PCDH15: variants seen among roughly 807,000 people sequenced by gnomAD.
PCDH15 encodes the protein protocadherin-15.
A neutral mutation model predicts 178.5 loss-of-function variants in PCDH15; 129 were observed. That is an observed-to-expected ratio of 0.72 (90% CI 0.63 to 0.84). The LOEUF (loss-of-function observed/expected upper bound fraction) is 0.84, where lower values mean the gene tolerates loss of function less well. Ranked by LOEUF, PCDH15 falls within the 40% of genes least tolerant of loss-of-function variation. PCDH15 has a pLI of 0.00. For missense variants in PCDH15, 2,230 were observed against 2,099.9 expected (o/e 1.06, Z -1.21); for synonymous variants, 800 against 732.0 (o/e 1.09, Z -1.50).
chr10:54,143,566 A>G (rs2043602509), intron 14 of PCDH15, among the ~76,000 whole-genome samples: 1 of 152,198 alleles, frequency 6.6e-6, no homozygotes, highest in Non-Finnish European at 1.5e-5. Flanking sequence ...TGATGTGTTC[A>G]TAAAGATTGT....
rs11004452 is a variant in PCDH15, at chr10:54,700,100, T to A, written c.-28-35810A>T. Among the ~76,000 whole-genome samples the A allele has an allele frequency of 3.0e-4, 46 of 152,186 alleles. No individual in the cohort carries two copies. In the East Asian group the frequency reaches 8.5e-3, roughly 28 times the overall value. On this transcript the variant is annotated intron_variant, in intron 1 of 37. Transcript: ENST00000644397. Reference sequence around the variant, plus strand: ...GTTACTGCAAGCAGGCCTGGAGTACTAAACTAATCTTTGGCCCCCTGAGAT... The same window carrying A: ...GTTACTGCAAGCAGGCCTGGAGTACAAAACTAATCTTTGGCCCCCTGAGAT...
chr10:54,820,152 C>T (rs772146471), intron 3 of PCDH15, among the ~76,000 whole-genome samples: 3 of 151,914 alleles, frequency 2.0e-5, no homozygotes, highest in Non-Finnish European at 2.9e-5. Context: ...GACAGGGAAA[C>T]TTACCACACC....
intron 10 of PCDH15, among the ~76,000 whole-genome samples, chr10:54,203,186 T>C (rs2050431090): frequency 6.6e-6 from 1 of 152,154 alleles, no homozygotes; most frequent in Non-Finnish European, 1.5e-5. Flanking sequence ...ATTATACAAT[T>C]ATCAACTGTG....
At chr10:55,061,845 C>G (rs962926070) in intron 2 of PCDH15, among the ~76,000 whole-genome samples, 3 of 152,164 alleles carry the variant, frequency 2.0e-5, no homozygotes, top group Admixed American at 2.0e-4. Flanking sequence ...CATGGTGAAA[C>G]CCCGACTCTA....
At chr10:54,621,832 CA>C (rs2093357153) in intron 2 of PCDH15, among the ~76,000 whole-genome samples, 1 of 151,732 alleles carries the variant, frequency 6.6e-6, no homozygotes, top group Non-Finnish European at 1.5e-5. Flanking sequence ...AAATATTCTT[CA>C]GGAAAGAAAA....
chr10:55,396,507 G>A (rs938956720), intron 2 of PCDH15, among the ~76,000 whole-genome samples: 2 of 152,150 alleles, frequency 1.3e-5, no homozygotes. Flanking sequence ...CATCCGATAG[G>A]CTGTCATCCT....
At chr10:55,614,295 T>C (rs1843432974) in intron 2 of PCDH15, among the ~76,000 whole-genome samples, 1 of 152,280 alleles carries the variant, frequency 6.6e-6, no homozygotes. Flanking sequence ...ATCTCTAAAA[T>C]AGAGGTAGAC....
chr10:54,916,915 G>A (rs975180779), intron 2 of PCDH15, among the ~76,000 whole-genome samples: 1 of 152,112 alleles, frequency 6.6e-6, no homozygotes, highest in Non-Finnish European at 1.5e-5. Flanking sequence ...TTGGTATGTA[G>A]TGCTTACTGT....
chr10:55,300,545 T>C (rs1049096430), intron 1 of PCDH15, among the ~76,000 whole-genome samples: 7 of 152,130 alleles, frequency 4.6e-5, no homozygotes, highest in African/African-American at 1.7e-4. Flanking sequence ...TAACAAAAAA[T>C]CAGCACATTA....
chr10:54,086,417 G>A (rs969003676), intron 16 of PCDH15, among the ~76,000 whole-genome samples: 7 of 152,244 alleles, frequency 4.6e-5, no homozygotes, highest in African/African-American at 1.4e-4. Flanking sequence ...ATGAGGGATC[G>A]AATTTCAAAA....
intron 18 of PCDH15, among the ~76,000 whole-genome samples, chr10:54,052,959 TGAA>T (rs921879956): frequency 3.3e-5 from 5 of 152,168 alleles, no homozygotes; most frequent in South Asian, 4.1e-4. Context: ...TGCCCCCATG[TGAA>T]GAAGGACACA....
At chr10:54,907,082 A>T (rs1183506174) in intron 2 of PCDH15, among the ~76,000 whole-genome samples, 1 of 152,194 alleles carries the variant, frequency 6.6e-6, no homozygotes, top group Non-Finnish European at 1.5e-5. Context: ...CAGAAGTCAC[A>T]GAGAAAAGGA....
chr10:54,413,675 A>T (rs949447399), intron 3 of PCDH15, among the ~76,000 whole-genome samples: 3 of 152,222 alleles, frequency 2.0e-5, no homozygotes, highest in Non-Finnish European at 4.4e-5. Flanking sequence ...AATAAATATT[A>T]AAAAATGTTT....
At chr10:55,502,874 A>G (rs1369898295) in intron 2 of PCDH15, among the ~76,000 whole-genome samples, 1 of 151,670 alleles carries the variant, frequency 6.6e-6, no homozygotes, top group Admixed American at 6.6e-5. Context: ...AATAGTTCCA[A>G]TATTAAGAAA....
In PCDH15 at chr10:54,946,546, T is replaced by A. The variant is rs57519617; in HGVS notation, c.-79-49046A>T. ...TGTCTAAATAATGTTGATTGCTGGG[T>A]CTTTTTAGAAACACAGCTGTGACCA... On this transcript the variant is annotated intron_variant, in intron 2 of 5. Coordinates refer to the PCDH15 transcript ENST00000458638. Among the ~76,000 whole-genome samples the A allele has an allele frequency of 1.1e-4, 16 of 151,944 alleles. No individual in the cohort carries two copies. In the East Asian group the frequency reaches 3.1e-3, roughly 29 times the overall value.
intron 8 of PCDH15, among the ~76,000 whole-genome samples, chr10:54,296,169 A>AAAAAAAAAAAAAT (rs2059769716): frequency 7.0e-6 from 1 of 142,586 alleles, no homozygotes; most frequent in Non-Finnish European, 1.5e-5. Flanking sequence ...AAAAAAAAAA[A>AAAAAAAAAAAAAT]GTGGTTGGCA....
chr10:54,601,338 AAAAC>A (rs1230580372), intron 2 of PCDH15, among the ~76,000 whole-genome samples: 1 of 152,054 alleles, frequency 6.6e-6, no homozygotes, highest in Non-Finnish European at 1.5e-5. Context: ...TTACAGGAAA[AAAAC>A]AAACAGCCCC....
intron 8 of PCDH15, among the ~76,000 whole-genome samples, chr10:54,307,814 T>TAAA (rs1232557137): frequency 1.3e-5 from 2 of 152,058 alleles, no homozygotes; most frequent in African/African-American, 4.8e-5. Context: ...AACTCAGTTT[T>TAAA]AAAGCTAGAA....
chr10:54,755,661 T>C (rs892707517), intron 1 of PCDH15, among the ~76,000 whole-genome samples: 4 of 152,044 alleles, frequency 2.6e-5, no homozygotes, highest in African/African-American at 9.7e-5. Context: ...ATATATGAAT[T>C]ATGAATTAAT....
Sources: allele counts gnomAD v4.1 joint callset (sites outside exome capture counted in the v4.1 genomes callset), GRCh38; gene constraint gnomAD v4.1.1; transcripts MANE v1.5; gene names NCBI Gene and HGNC (gene_info 2026-07-23, HGNC 2026-07-21).